The following TEX36 variants were observed in gnomAD, a reference collection of about 807,000 sequenced individuals.
TEX36 encodes the protein testis-expressed protein 36.
Under a neutral mutation model 13.6 loss-of-function variants are expected in TEX36, and 12 were observed. The ratio of observed to expected loss-of-function variants is 0.88; its 90% confidence interval spans 0.56 to 1.43. The LOEUF (loss-of-function observed/expected upper bound fraction) is 1.43, where lower values mean the gene tolerates loss of function less well. Ranked by LOEUF, TEX36 falls within the 40% of genes most tolerant of loss-of-function variation. The pLI is 0.00. For synonymous variants in TEX36, 93 were observed against 83.0 expected, an observed-to-expected ratio of 1.12 and a Z score of -0.65; for missense variants, 224 against 228.3, an observed-to-expected ratio of 0.98 and a Z score of 0.12.
At chr10:125,588,653 C>G (rs1280244427) in intron 3 of TEX36, among the ~76,000 whole-genome samples, 1 of 152,164 alleles carries the variant, frequency 6.6e-6, no homozygotes, top group South Asian at 2.1e-4. Context: ...CTCGAGCTGT[C>G]GCCCATGCTG....
At chr10:125,622,582 G>A (rs578064944) in intron 3 of TEX36, among the ~76,000 whole-genome samples, 6 of 152,192 alleles carry the variant, frequency 3.9e-5, no homozygotes, top group Non-Finnish European at 8.8e-5. Flanking sequence ...ATTTGTTCCT[G>A]CCTGGATTAG....
downstream of TEX36, among the ~76,000 whole-genome samples, chr10:125,653,196 A>C (rs567915599): frequency 1.3e-5 from 2 of 152,284 alleles, no homozygotes; most frequent in East Asian, 3.9e-4. Context: ...ACGTATGTTT[A>C]TTGTGGCACT....
chr10:125,680,870 A>C (rs970281962), intron 1 of TEX36, among the ~76,000 whole-genome samples: 17 of 152,176 alleles, frequency 1.1e-4, no homozygotes, highest in Admixed American at 1.3e-4. Context: ...GTCTTGATAG[A>C]AGGATAAAAT....
chr10:125,679,030 G>A (rs75103932), intron 1 of TEX36, among the ~76,000 whole-genome samples: 6,800 of 152,050 alleles, frequency 0.045, 219 homozygotes, highest in South Asian at 0.17. Context: ...GCTGGTGCAT[G>A]GGGAACACAC....
intron 3 of TEX36, among the ~76,000 whole-genome samples, chr10:125,644,940 A>C (rs181370751): frequency 1.3e-5 from 2 of 152,264 alleles, no homozygotes; most frequent in Admixed American, 1.3e-4. Flanking sequence ...TTGGAGATGG[A>C]GGGGCCATGT....
chr10:125,636,238 C>G (rs1031853765), intron 3 of TEX36, among the ~76,000 whole-genome samples: 2 of 139,512 alleles, frequency 1.4e-5, no homozygotes, highest in African/African-American at 5.5e-5. Flanking sequence ...CAGAGTCTTG[C>G]TCTGTCGCCC....
At chr10:125,669,500 C>A (rs1847186532) in intron 1 of TEX36, among the ~76,000 whole-genome samples, 1 of 151,532 alleles carries the variant, frequency 6.6e-6, no homozygotes, top group Admixed American at 6.6e-5. Context: ...AAGAAAAATT[C>A]CTCGGCTTTT....
rs958103531 is a variant in TEX36, at chr10:125,668,477, C to T, written c.52-6500G>A. On this transcript the variant is annotated intron_variant, in intron 1 of 3. Transcript: ENST00000368821. ...TATAGTTGTTCACAGTAGTCTCCAA[C>T]TTTTTTATTTAAAAAAAGATCTCCA... 4.6e-5 allele frequency among the ~76,000 whole-genome samples: 7 copies of T among 152,054 alleles called. No individual in the cohort carries two copies. The South Asian group carries it at 1.0e-3, about 23-fold the overall frequency.
In TEX36 at chr10:125,672,005, T is replaced by A. The variant is rs138935838; in HGVS notation, c.52-10028A>T. ...CCTTTATCATTTTTCATTGTGTCTA[T>A]TTGATTCTTCTCTCTTTTCTTCTTT... On this transcript the variant is annotated intron_variant, in intron 1 of 3. Coordinates refer to ENST00000368821, the MANE Select transcript of TEX36 (RefSeq NM_001128202.3). 3.2e-3 allele frequency among the ~76,000 whole-genome samples: 491 copies of A among 152,312 alleles called. 12 individuals are homozygous for A. The South Asian group carries it at 0.048, about 15-fold the overall frequency.
chr10:125,657,152 T>C (rs570842981), intron 3 of TEX36, among the ~76,000 whole-genome samples: 1 of 152,338 alleles, frequency 6.6e-6, no homozygotes, highest in East Asian at 1.9e-4. Context: ...AAATGGACAT[T>C]ACGTTACATA....
intron 3 of TEX36, among the ~76,000 whole-genome samples, chr10:125,629,718 T>C (rs1846529062): frequency 6.6e-6 from 1 of 152,240 alleles, no homozygotes. Flanking sequence ...CCTTCCCAGC[T>C]GGCTGGGTTT....
chr10:125,638,362 G>C (rs1418504242), intron 3 of TEX36, among the ~76,000 whole-genome samples: 9 of 151,678 alleles, frequency 5.9e-5, no homozygotes, highest in African/African-American at 2.2e-4. Flanking sequence ...AAAAAAGAAA[G>C]AGAGAGAGAG....
intron 1 of TEX36, among the ~76,000 whole-genome samples, chr10:125,672,192 T>C (rs1847243415): frequency 6.6e-6 from 1 of 152,320 alleles, no homozygotes; most frequent in East Asian, 1.9e-4. Flanking sequence ...CATTTGCTCT[T>C]AGTTCTCTAG....
intron 1 of TEX36, among the ~76,000 whole-genome samples, chr10:125,671,850 T>C (rs1376192088): frequency 3.3e-5 from 5 of 152,166 alleles, no homozygotes; most frequent in Non-Finnish European, 7.4e-5. Context: ...CTTCCTGATT[T>C]AGTGTTGGGA....
In TEX36 at chr10:125,682,969, G is replaced by A. The variant is rs1432944376; in HGVS notation, c.21C>T (p.Phe7=). 6.4e-7 allele frequency: 1 copy of A among 1,551,760 alleles called. No homozygotes were observed. The highest frequency in any genetic ancestry group is 8.7e-7 in the Non-Finnish European group (1 of 1,147,004). The change falls in exon 1 of 4, where the codon TTC becomes TTT. Residue 7 remains phenylalanine (F), a synonymous_variant. Transcript: ENST00000368821. MTKGRR[F]NPPSDKDGRW... ...TCCCATCCTTGTCTGAAGGTGGGTT[G>A]AAGCGTCGCCCTTTGGTCATTCTCT...
chr10:125,653,957 A>C (rs1183583252), downstream of TEX36, among the ~76,000 whole-genome samples: 2 of 152,226 alleles, frequency 1.3e-5, no homozygotes, highest in Non-Finnish European at 2.9e-5. Context: ...CAACAGAGCT[A>C]GATCCTGTCT....
intron 3 of TEX36, among the ~76,000 whole-genome samples, chr10:125,602,599 A>T (rs1296865504): frequency 1.3e-5 from 2 of 152,090 alleles, no homozygotes; most frequent in Non-Finnish European, 2.9e-5. Context: ...TCATTCATTC[A>T]TCATTCATTC....
At chr10:125,680,953 A>G (rs1358039442) in intron 1 of TEX36, among the ~76,000 whole-genome samples, 4 of 152,162 alleles carry the variant, frequency 2.6e-5, no homozygotes, top group African/African-American at 7.2e-5. Flanking sequence ...CATTCACAGC[A>G]GCCATGTGGT....
At chr10:125,593,091 C>G (rs1317354961) in intron 3 of TEX36, among the ~76,000 whole-genome samples, 1 of 152,206 alleles carries the variant, frequency 6.6e-6, no homozygotes, top group Non-Finnish European at 1.5e-5. Flanking sequence ...CCTCTCCATG[C>G]TCCACTGAGG....
Sources: gnomAD v4.1 joint callset for allele counts (sites outside exome capture counted in the v4.1 genomes callset) on GRCh38, gnomAD v4.1.1 for gene constraint, MANE v1.5 for transcripts, NCBI Gene and HGNC (gene_info 2026-07-23, HGNC 2026-07-21) for gene names.